Variants in ITGA4 observed in about 807,000 individuals in gnomAD.
ITGA4 encodes the protein integrin alpha-4.
In ITGA4, 63 loss-of-function variants were observed where a neutral mutation model predicts 133.6. That is an observed-to-expected ratio of 0.47 (90% CI 0.38 to 0.58). The LOEUF (loss-of-function observed/expected upper bound fraction) is 0.58, where lower values mean the gene tolerates loss of function less well. ITGA4 is among the 20% of genes least tolerant of loss of function. The pLI is 0.00. For missense variants in ITGA4, 1,076 were observed against 1,252.7 expected, an observed-to-expected ratio of 0.86 and a Z score of 2.13; for synonymous variants, 483 against 438.0, an observed-to-expected ratio of 1.10 and a Z score of -1.28.
Position 181,535,663 on chromosome 2 carries a change from A to AT in ITGA4, c.*137dup. 8.9e-7 allele frequency: 1 copy of AT among 1,119,682 alleles called. No individual in the cohort carries two copies. Among genetic ancestry groups the AT allele is most frequent in the South Asian group, 2.0e-5 (1 of 49,674 alleles). The allele number at this position is 1,119,682 out of a possible 1,614,324, so 69.4% of individuals were successfully genotyped here. ...TGATCTTGTGACATATTATGTCTTC[A>AT]TGCAAGGGGAAAATCTCAGCAATGA... On this transcript the variant is annotated 3_prime_UTR_variant, in exon 28 of 28. Transcript: ENST00000397033.
chr2:181,499,328 G>C (rs1486518729), intron 15 of ITGA4, among the ~76,000 whole-genome samples: 1 of 151,926 alleles, frequency 6.6e-6, no homozygotes, highest in Non-Finnish European at 1.5e-5. Context: ...GATGGTTTGG[G>C]GTATGTCCTG....
chr2:181,508,189 C>A (rs1686432519), intron 15 of ITGA4, among the ~76,000 whole-genome samples: 1 of 150,636 alleles, frequency 6.6e-6, no homozygotes, highest in South Asian at 2.1e-4. Flanking sequence ...AGACAGAAGA[C>A]AATGAATTTT....
intron 12 of ITGA4, 122 bp downstream of exon 12, chr2:181,494,934 A>G: frequency 1.6e-6 from 1 of 617,700 alleles, no homozygotes; most frequent in Non-Finnish European, 2.8e-6. Flanking sequence ...TTTTTTCTTC[A>G]TTTTTAAAGT....
At chr2:181,484,179 TTGTC>T (rs1685864397) in intron 9 of ITGA4, among the ~76,000 whole-genome samples, 2 of 152,174 alleles carry the variant, frequency 1.3e-5, no homozygotes, top group South Asian at 2.1e-4. Context: ...TGGAGAGAGA[TTGTC>T]TGTCTTGTTT....
At chr2:181,513,004 AT>A (rs1276640991) in intron 17 of ITGA4, among the ~76,000 whole-genome samples, 1 of 152,128 alleles carries the variant, frequency 6.6e-6, no homozygotes, top group African/African-American at 2.4e-5. Context: ...CCATACTTGA[AT>A]TCCACTCTGA....
At position 181,535,484 on chromosome 2, in the gene ITGA4, G is replaced by C. The variant is rs1559060548; in HGVS notation, c.3056G>C (p.Arg1019Thr). The C allele has an allele frequency of 6.2e-7, 1 of 1,609,674 alleles. No homozygotes were observed. The highest frequency in any genetic ancestry group is 8.5e-7 in the Non-Finnish European group (1 of 1,177,708). Residue 1019 changes from arginine (R) to threonine (T), a missense_variant, in exon 28 of 28, where the codon AGA becomes ACA. Arg to Thr is a moderately conservative substitution (Grantham distance 71). Coordinates refer to ENST00000397033, the MANE Select transcript of ITGA4 (RefSeq NM_000885.6). ...TCTATCCTACAAGAAGAAAACAGAA[G>C]AGACAGTTGGAGTTATATCAACAGT... Reference protein sequence around the residue: ...YKSILQEENRRDSWSYINSKS... With the variant: ...YKSILQEENRTDSWSYINSKS...
intron 11 of ITGA4, 77 bp downstream of exon 11, chr2:181,493,496 T>C (rs146822112): frequency 2.5e-6 from 2 of 790,636 alleles, no homozygotes; most frequent in African/African-American, 3.6e-5. Context: ...TTATGTGGAC[T>C]TATTTTTCTT....
intron 2 of ITGA4, among the ~76,000 whole-genome samples, chr2:181,468,726 G>C (rs1295909090): frequency 6.6e-6 from 1 of 152,104 alleles, no homozygotes; most frequent in African/African-American, 2.4e-5. Flanking sequence ...ATACACATCA[G>C]TAGGAAGAAA....
chr2:181,523,299 CAT>C lies in ITGA4; in HGVS notation c.2074-134_2074-133del. The C allele has an allele frequency of 5.2e-6, 3 of 578,690 alleles. No homozygotes were observed. The highest frequency in any genetic ancestry group is 4.0e-5 in the South Asian group (2 of 49,528). The allele number at this position is 578,690 out of a possible 1,614,324, so 35.8% of individuals were successfully genotyped here. A position where few individuals can be genotyped will look rare whatever the true frequency, so the allele number is the denominator to read the frequency against. On this transcript the variant is annotated intron_variant, in intron 18 of 27. Transcript: ENST00000397033. This position sits in a 1 kb window ranked among gnomAD's most constrained non-coding sequence, Gnocchi z 4.2. ...ATATCATATGTCTATTTATCTCAAA[CAT>C]ATAAATAGAAAATAGTTTTCCTAGA...
chr2:181,525,334 T>G, intron 21 of ITGA4, 43 bp downstream of exon 21: 1 of 1,037,226 alleles, frequency 9.6e-7, no homozygotes, highest in South Asian at 1.4e-5. Context: ...AGAGCTGATT[T>G]ACAGTTTCCT....
chr2:181,477,240 G>A lies in ITGA4; in HGVS notation c.557-1517G>A, dbSNP rs1053102151. Among the ~76,000 whole-genome samples the A allele has an allele frequency of 3.9e-5, 6 of 152,038 alleles. No homozygotes were observed. In the Middle Eastern group the frequency reaches 0.01, roughly 259 times the overall value. ...TAAAATGGATTAAAGACTTAAACAC[G>A]ATACCTGAAACCATAAAATTTCTAG... On this transcript the variant is annotated intron_variant, in intron 4 of 27. Coordinates refer to ENST00000397033, the MANE Select transcript of ITGA4 (RefSeq NM_000885.6).
At chr2:181,469,058 C>T (rs953895510) in intron 2 of ITGA4, among the ~76,000 whole-genome samples, 6 of 152,066 alleles carry the variant, frequency 3.9e-5, no homozygotes, top group Admixed American at 3.3e-4. Flanking sequence ...ATCACTTCAG[C>T]CTGACATTTG....
chr2:181,488,186 C>G (rs934329384), intron 10 of ITGA4, among the ~76,000 whole-genome samples: 2 of 152,188 alleles, frequency 1.3e-5, no homozygotes, highest in African/African-American at 4.8e-5. Context: ...CAAAATTACT[C>G]TATACCTGGG....
intron 10 of ITGA4, chr2:181,492,991 C>A: frequency 5.1e-6 from 1 of 194,418 alleles, no homozygotes; most frequent in Non-Finnish European, 1.0e-5. Flanking sequence ...AATTGAAACA[C>A]AGATTAAGAA....
chr2:181,525,215 G>A lies in ITGA4; in HGVS notation c.2263G>A (p.Glu755Lys). 1.9e-6 allele frequency: 3 copies of A among 1,600,338 alleles called. No individual in the cohort carries two copies. Among genetic ancestry groups the A allele is most frequent in the Non-Finnish European group, 2.6e-6 (3 of 1,168,302 alleles). ...CTGTTTGTATAGTGAAAATGAAGAG[G>A]AAATGGACAATCTAAAGCACAGCAG... ...TVHATCENEE[E>K]MDNLKHSRVT... Residue 755 changes from glutamate (E) to lysine (K), a missense_variant, in exon 21 of 28, where the codon GAA becomes AAA. By Grantham distance (56) the Glu-to-Lys change is moderately conservative (BLOSUM62 1). Coordinates refer to ENST00000397033, the MANE Select transcript of ITGA4 (RefSeq NM_000885.6).
chr2:181,522,155 C>T, intron 17 of ITGA4, 36 bp from the exon 18 acceptor site: 1 of 1,334,740 alleles, frequency 7.5e-7, no homozygotes, highest in South Asian at 1.4e-5. Context: ...TTTTTATTTC[C>T]TAAACAAGAA....
chr2:181,475,438 C>T (rs1685653237), intron 4 of ITGA4, 150 bp downstream of exon 4: 1 of 669,630 alleles, frequency 1.5e-6, no homozygotes, highest in East Asian at 2.7e-5. Flanking sequence ...TCTTTCTTTA[C>T]CCAATTGCAA....
intron 21 of ITGA4, 50 bp downstream of exon 21, chr2:181,525,341 T>G: frequency 2.1e-6 from 2 of 969,480 alleles, no homozygotes; most frequent in Non-Finnish European, 3.2e-6. Context: ...ATTTACAGTT[T>G]CCTTGCTTCT....
chr2:181,476,556 C>T (rs1166670083), intron 4 of ITGA4, among the ~76,000 whole-genome samples: 1 of 152,130 alleles, frequency 6.6e-6, no homozygotes, highest in Non-Finnish European at 1.5e-5. Context: ...GCTTTGCCCC[C>T]TTAGAAAGTT....
Sources: allele counts gnomAD v4.1 joint callset (sites outside exome capture counted in the v4.1 genomes callset), GRCh38; gene constraint gnomAD v4.1.1; non-coding constraint Gnocchi (gnomAD v3.1); transcripts MANE v1.5; gene names NCBI Gene and HGNC (gene_info 2026-07-23, HGNC 2026-07-21).